Variants in ATG2B observed in about 807,000 individuals in gnomAD.
The protein encoded by ATG2B is autophagy-related protein 2 homolog B.
Under a neutral mutation model 241.3 loss-of-function variants are expected in ATG2B, and 121 were observed. The ratio of observed to expected loss-of-function variants is 0.50; its 90% CI spans 0.43 to 0.58. The LOEUF is 0.58. ATG2B is among the 20% of genes least tolerant of loss of function. The pLI, the probability that ATG2B is intolerant of heterozygous loss-of-function variation, is 0.00. For missense variants in ATG2B, 2,306 were observed against 2,491.6 expected (o/e 0.93, Z 1.59); for synonymous variants, 858 against 876.6 (o/e 0.98, Z 0.37).
Position 96,322,522 on chromosome 14 carries a change from G to C in ATG2B, c.2736+18C>G, listed in dbSNP as rs772564377. 1.3e-6 allele frequency: 2 copies of C among 1,596,694 alleles called. No homozygotes were observed. The highest frequency in any genetic ancestry group is 4.5e-5 in the East Asian group (2 of 44,760). ...AGAATAATAGTATTATTCCTTTGTA[G>C]CTTGCTCACACTTTTACCTGTTCAT... is the stretch of plus-strand genomic sequence containing the variant. On this transcript the variant is annotated intron_variant, in intron 17 of 41. Coordinates refer to ENST00000359933, the MANE Select transcript of ATG2B (RefSeq NM_018036.7).
intron 12 of ATG2B, 42 bp downstream of exon 12, chr14:96,329,442 G>A (rs1887672168): frequency 7.1e-7 from 1 of 1,402,444 alleles, no homozygotes; most frequent in East Asian, 2.4e-5. Context: ...AAGCAAGGTA[G>A]ATTTAAAAAA....
At chr14:96,354,986 G>C (rs1244255028) in intron 1 of ATG2B, among the ~76,000 whole-genome samples, 1 of 151,904 alleles carries the variant, frequency 6.6e-6, no homozygotes, top group East Asian at 1.9e-4. Context: ...CTTTTTAATG[G>C]GGTTGTTTTT....
At chr14:96,325,514 G>A (rs1887565738) in intron 15 of ATG2B, 135 bp downstream of exon 15, 1 of 800,300 alleles carries the variant, frequency 1.2e-6, no homozygotes. Context: ...GAAAGACATT[G>A]TTGCTGTTGA....
At chr14:96,321,504 G>A (rs1462443135) in intron 18 of ATG2B, among the ~76,000 whole-genome samples, 1 of 152,092 alleles carries the variant, frequency 6.6e-6, no homozygotes, top group Non-Finnish European at 1.5e-5. Flanking sequence ...AACCCTTATA[G>A]GTGGGAGCCA....
intron 36 of ATG2B, among the ~76,000 whole-genome samples, chr14:96,293,961 T>C (rs1886559538): frequency 6.6e-6 from 1 of 152,210 alleles, no homozygotes; most frequent in Non-Finnish European, 1.5e-5. Flanking sequence ...TCACTTAAGA[T>C]ACATGTTTTT....
chr14:96,290,007 A>C lies in ATG2B; in HGVS notation c.5857-202T>G. On this transcript the variant is annotated intron_variant, in intron 40 of 41. Coordinates refer to ENST00000359933, the MANE Select transcript of ATG2B (RefSeq NM_018036.7). The surrounding 1 kb of genome is among the most constrained non-coding windows in gnomAD (Gnocchi z 4.4). ...ACATAAAAGTATAAATTAATAACTA[A>C]CACCTGGATTGAGCTAAATTTTTAG... The C allele has an allele frequency of 1.2e-6, 1 of 860,960 alleles. No individual in the cohort carries two copies. Among genetic ancestry groups the C allele is most frequent in the Non-Finnish European group, 1.7e-6 (1 of 598,920 alleles). 53.3% of individuals were successfully genotyped at this position (860,960 alleles called of 1,614,324 possible).
At chr14:96,354,447 A>T (rs2139908535) in intron 1 of ATG2B, among the ~76,000 whole-genome samples, 1 of 152,326 alleles carries the variant, frequency 6.6e-6, no homozygotes, top group Admixed American at 6.5e-5. Context: ...CCTGCAAAGG[A>T]CATGATCTCA....
At chr14:96,344,611 A>C in intron 4 of ATG2B, 43 bp downstream of exon 4, 1 of 1,076,596 alleles carries the variant, frequency 9.3e-7, no homozygotes, top group Non-Finnish European at 1.4e-6. Flanking sequence ...GTAATATCAG[A>C]GTTACAATAG....
chr14:96,348,184 C>T (rs1374536617), intron 1 of ATG2B, among the ~76,000 whole-genome samples: 4 of 152,112 alleles, frequency 2.6e-5, no homozygotes, highest in Non-Finnish European at 4.4e-5. Flanking sequence ...TCATTTGCAA[C>T]AACATGAATG....
At position 96,295,089 on chromosome 14, in the gene ATG2B, A is replaced by G. The variant is rs751029494; in HGVS notation, c.5297T>C (p.Ile1766Thr). Reference protein sequence around the residue: ...LSTSKEPNLVISFSGPKQPSQ... With the variant: ...LSTSKEPNLVTSFSGPKQPSQ... ...AGGCTGTTTTGGCCCAGAGAAAGAA[A>G]TAACCAGATTTGGCTCCTTTGAGGT... Residue 1766 changes from isoleucine to threonine, a missense_variant, in exon 36 of 42, where the codon ATT (isoleucine) becomes ACT (threonine). Physicochemically the swap from Ile to Thr is moderately conservative, Grantham distance 89. This residue lies in a region of ATG2B where 379 missense variants were observed against 480.4 expected (regional missense o/e 0.79). Transcript: ENST00000359933. The G allele has an allele frequency of 1.3e-5, 21 of 1,614,098 alleles. No individual in the cohort carries two copies. Among genetic ancestry groups the G allele is most frequent in the Non-Finnish European group, 1.7e-5 (20 of 1,180,042 alleles).
chr14:96,358,428 C>T (rs1436225619), intron 1 of ATG2B, among the ~76,000 whole-genome samples: 2 of 151,708 alleles, frequency 1.3e-5, no homozygotes, highest in African/African-American at 4.8e-5. Flanking sequence ...GAGACTGTCT[C>T]TAAAGAAAGA....
At chr14:96,362,371 G>A (rs1166832663) in intron 1 of ATG2B, among the ~76,000 whole-genome samples, 4 of 152,184 alleles carry the variant, frequency 2.6e-5, no homozygotes, top group Admixed American at 6.5e-5. Context: ...TGGTGCGCAA[G>A]CAGCCAACCC....
At chr14:96,316,352 T>C (rs147713372) in intron 21 of ATG2B, among the ~76,000 whole-genome samples, 181 bp downstream of exon 21, 2 of 152,320 alleles carry the variant, frequency 1.3e-5, no homozygotes, top group Admixed American at 6.5e-5. Context: ...AACAAAGCTA[T>C]TGCAAAAAAA....
chr14:96,353,880 C>T (rs980364409), intron 1 of ATG2B, among the ~76,000 whole-genome samples: 12 of 151,994 alleles, frequency 7.9e-5, no homozygotes, highest in Non-Finnish European at 1.8e-4. Context: ...GAAAAAGACA[C>T]GATGTTAAAT....
intron 30 of ATG2B, among the ~76,000 whole-genome samples, chr14:96,306,106 T>A (rs1442097066): frequency 1.3e-5 from 2 of 150,352 alleles, no homozygotes; most frequent in African/African-American, 2.4e-5. Context: ...TGTGTGGGTA[T>A]TTTTTTTTGT....
rs141102179 is a variant in ATG2B, at chr14:96,309,476, G to A, written c.4280C>T (p.Ser1427Leu). ...ACCATTAGCCTGTGGTTTTACTGACGAGGTGCCTTGTTGCATGTCGATCTC... is the reference window on the plus strand; with the variant it reads ...ACCATTAGCCTGTGGTTTTACTGACAAGGTGCCTTGTTGCATGTCGATCTC... Reference protein sequence around the residue: ...MEEIDMQQGTSSVKPQANGVL... With the variant: ...MEEIDMQQGTLSVKPQANGVL... Residue 1427 changes from serine to leucine, a missense_variant, in exon 29 of 42, where the codon TCG (serine) becomes TTG (leucine). Physicochemically the swap from Ser to Leu is moderately radical, Grantham distance 145. This residue lies in a region of ATG2B where 1,927 missense variants were observed against 2,011.2 expected (regional missense o/e 0.96). Coordinates refer to ENST00000359933, the MANE Select transcript of ATG2B (RefSeq NM_018036.7). The A allele has an allele frequency of 5.6e-6, 9 of 1,613,814 alleles. No homozygotes were observed. The highest frequency in any genetic ancestry group is 2.7e-5 in the African/African-American group (2 of 74,896).
In ATG2B at chr14:96,299,378, G is replaced by A. The variant is rs10143740; in HGVS notation, c.5139+2629C>T. On this transcript the variant is annotated intron_variant, in intron 34 of 41. Transcript: ENST00000359933. The stretch of plus-strand genomic sequence containing the variant: ...CATCCCATGCCTATCTGTATCACTT[G>A]TACTCACCACAGCACATTAAAACTA... Among the ~76,000 whole-genome samples the A allele has an allele frequency of 8.3e-4, 126 of 152,250 alleles. 2 individuals are homozygous for A. Among genetic ancestry groups the A allele is most frequent in the African/African-American group, 2.8e-3 (116 of 41,538 alleles).
rs746908291 is a variant in ATG2B, at chr14:96,290,613, A to C, written c.5702-23T>G. 3 of 1,612,674 alleles carry C rather than the reference A, an allele frequency of 1.9e-6. No homozygotes were observed. The South Asian group carries it at 3.3e-5, about 18-fold the overall frequency. On this transcript the variant is annotated intron_variant, in intron 39 of 41. Coordinates refer to ENST00000359933, the MANE Select transcript of ATG2B (RefSeq NM_018036.7). This position sits in a 1 kb window ranked among gnomAD's most constrained non-coding sequence, Gnocchi z 4.4. Reference sequence around the variant, plus strand: ...GTACTACAACAGTCAACACAAAATCAACATCAGTGCCACAGTTCAGACTTT... The same window carrying C: ...GTACTACAACAGTCAACACAAAATCCACATCAGTGCCACAGTTCAGACTTT...
chr14:96,343,117 A>T lies in ATG2B; in HGVS notation c.744+2T>A. Reference sequence around the variant, plus strand: ...GGTTTTAGGGTTTTTGTTTTTTCTTACCACTGGTGCAGTTGAACACACTGG... The same window carrying T: ...GGTTTTAGGGTTTTTGTTTTTTCTTTCCACTGGTGCAGTTGAACACACTGG... On this transcript the variant is annotated splice_donor_variant, in intron 5 of 41. Coordinates refer to ENST00000359933, the MANE Select transcript of ATG2B (RefSeq NM_018036.7). LOFTEE classifies it high-confidence loss of function. The T allele has an allele frequency of 6.5e-7, 1 of 1,536,528 alleles. No individual in the cohort carries two copies. The highest frequency in any genetic ancestry group is 2.2e-5 in the Admixed American group (1 of 45,942).
Sources: allele counts gnomAD v4.1 joint callset (sites outside exome capture counted in the v4.1 genomes callset), GRCh38; gene constraint gnomAD v4.1.1; regional missense constraint gnomAD v4.1.1; non-coding constraint Gnocchi (gnomAD v3.1); transcripts MANE v1.5; gene names NCBI Gene and HGNC (gene_info 2026-07-23, HGNC 2026-07-21).